NBPF6: variants seen among roughly 807,000 people sequenced by gnomAD.
The protein encoded by NBPF6 is NBPF family member NBPF6.
NBPF6 carries 2 observed loss-of-function variants against 20.8 expected under a neutral mutation model. That is an observed-to-expected ratio of 0.10 (90% confidence interval 0.04 to 0.30). The LOEUF (loss-of-function observed/expected upper bound fraction) is 0.30. Among genes scored for constraint, NBPF6 ranks in the 10% least tolerant of loss-of-function variants. The pLI is 1.00. For missense variants in NBPF6, 85 were observed against 260.3 expected, an observed-to-expected ratio of 0.33 and a Z score of 4.63; for synonymous variants, 24 against 100.0, an observed-to-expected ratio of 0.24 and a Z score of 4.53.
At chr1:108,467,985 G>A (rs937534353) in intron 14 of NBPF6, among the ~76,000 whole-genome samples, 28 of 151,180 alleles carry the variant, frequency 1.9e-4, no homozygotes, top group East Asian at 7.8e-4. Context: ...TTGTTTGCCC[G>A]GAATCACACA....
At chr1:108,425,929 C>T in the NBPF6 span, among the ~76,000 whole-genome samples, 2 of 29,030 alleles carry the variant, frequency 6.9e-5, 1 homozygote, top group Non-Finnish European at 1.9e-4. Context: ...TTGCTATATG[C>T]GTCTTTTTGC....
In NBPF6 at chr1:108,471,268, G is replaced by A. The variant is rs373453562; in HGVS notation, c.*630G>A. On this transcript the variant is annotated 3_prime_UTR_variant, in exon 15 of 15. Coordinates refer to ENST00000495380, the MANE Select transcript of NBPF6 (RefSeq NM_001143988.2). ...TGACATGGACTTGTTTGTGGAGGAC[G>A]GGTCAGCTCTCTGGCTCAATGGTCT... Among the ~76,000 whole-genome samples the A allele has an allele frequency of 6.2e-4, 95 of 152,240 alleles. No individual in the cohort carries two copies. The highest frequency in any genetic ancestry group is 2.0e-3 in the African/African-American group (84 of 41,548).
At chr1:108,448,426 A>G (rs1652695086), upstream of NBPF6, among the ~76,000 whole-genome samples, 1 of 148,822 alleles carries the variant, frequency 6.7e-6, no homozygotes, top group South Asian at 2.1e-4. Flanking sequence ...TTCCAGTGAA[A>G]TTCCAGGTAA....
chr1:108,447,982 A>C (rs1652669169), upstream of NBPF6, among the ~76,000 whole-genome samples: 1 of 146,956 alleles, frequency 6.8e-6, no homozygotes, highest in African/African-American at 2.5e-5. Context: ...CAGGGCATAA[A>C]ACCTAAACCA....
chr1:108,470,958 G>A lies in NBPF6; in HGVS notation c.*320G>A, dbSNP rs563612813. 34 of 257,092 alleles carry A rather than the reference G, an allele frequency of 1.3e-4. No individual in the cohort carries two copies. Among genetic ancestry groups the A allele is most frequent in the Middle Eastern group, 2.4e-3 (2 of 832 alleles). The allele number at this position is 257,092 out of a possible 1,614,324, so 15.9% of individuals were successfully genotyped here. On this transcript the variant is annotated 3_prime_UTR_variant, in exon 15 of 15. Transcript: ENST00000495380. ...GCTGGCAGGAGACAGCATGTCAGCC[G>A]GGACTCTGCCAGGGCAGAGTATGAG...
chr1:108,470,659 C>T lies in NBPF6; in HGVS notation c.*21C>T, dbSNP rs1653414507. On this transcript the variant is annotated 3_prime_UTR_variant, in exon 15 of 15. Coordinates refer to ENST00000495380, the MANE Select transcript of NBPF6 (RefSeq NM_001143988.2). ...GATGAAAGAATGTCACAAAAAGCAGCTTTTCCACTTGATAAAAACAACTAA... is the reference window on the plus strand; with the variant it reads ...GATGAAAGAATGTCACAAAAAGCAGTTTTTCCACTTGATAAAAACAACTAA... 2 of 1,551,932 alleles carry T rather than the reference C, an allele frequency of 1.3e-6. No homozygotes were observed. Among genetic ancestry groups the T allele is most frequent in the Admixed American group, 2.0e-5 (1 of 50,678 alleles).
chr1:108,470,458 C>T, intron 14 of NBPF6, 139 bp from the exon 15 acceptor site: 1 of 769,158 alleles, frequency 1.3e-6, no homozygotes, highest in Non-Finnish European at 2.1e-6. Flanking sequence ...TTCTGACAGC[C>T]CAGGACTCAC....
chr1:108,441,660 C>A, the NBPF6 span, among the ~76,000 whole-genome samples: 1 of 72,954 alleles, frequency 1.4e-5, no homozygotes, highest in Admixed American at 1.4e-4. Flanking sequence ...CATACAACAG[C>A]TCAACAAATC....
At chr1:108,440,266 C>A in the NBPF6 span, among the ~76,000 whole-genome samples, 2 of 17,910 alleles carry the variant, frequency 1.1e-4, no homozygotes, top group African/African-American at 1.5e-4. Flanking sequence ...GCAACAAGAG[C>A]AAAACTCCGC....
chr1:108,467,721 G>A, intron 14 of NBPF6, 56 bp downstream of exon 14: 2 of 1,544,180 alleles, frequency 1.3e-6, no homozygotes, highest in Non-Finnish European at 8.8e-7. Context: ...TGTCTATGGT[G>A]ACAGCTCATT....
At chr1:108,438,533 TGATACCAAA>T in the NBPF6 span, among the ~76,000 whole-genome samples, 53,270 of 111,444 alleles carry the variant, frequency 0.48, 15,677 homozygotes, top group East Asian at 0.59. Flanking sequence ...AGCATTACTC[TGATACCAAA>T]GCCAAAGACA....
In NBPF6 at chr1:108,453,008, GTATA is replaced by G. The variant is rs1179619304; in HGVS notation, c.279-161_279-158del. 6.4e-3 allele frequency among the ~76,000 whole-genome samples: 382 copies of G among 59,894 alleles called. 118 individuals carry two copies. Among genetic ancestry groups the G allele is most frequent in the Non-Finnish European group, 9.8e-3 (254 of 25,998 alleles). The allele number at this position is 59,894 out of a possible 152,430, so 39.3% of individuals were successfully genotyped here. A position where few individuals can be genotyped will look rare whatever the true frequency, so the allele number is the denominator to read the frequency against. ...TGTGTGTGTGTGTGTGTGTGTGTGT[GTATA>G]TATATATATATTCTTCTTTCTCTTG... is the stretch of plus-strand genomic sequence containing the variant. On this transcript the variant is annotated intron_variant, in intron 3 of 14. Transcript: ENST00000495380.
At chr1:108,447,818 C>T (rs1445242634), upstream of NBPF6, among the ~76,000 whole-genome samples, 1 of 143,986 alleles carries the variant, frequency 6.9e-6, no homozygotes, top group Non-Finnish European at 1.5e-5. Flanking sequence ...CAATGAGTGG[C>T]ACTGATGGGG....
the NBPF6 span, among the ~76,000 whole-genome samples, chr1:108,440,548 A>G: frequency 9.8e-4 from 1 of 1,020 alleles, no homozygotes; most frequent in African/African-American, 2.1e-3. Flanking sequence ...AATATCACTA[A>G]TCATCAGGGA....
the NBPF6 span, among the ~76,000 whole-genome samples, chr1:108,436,569 A>G: frequency 9.8e-5 from 6 of 61,346 alleles, no homozygotes; most frequent in African/African-American, 2.6e-4. Context: ...CTCCAGCCTG[A>G]GTGACAGAAT....
the NBPF6 span, among the ~76,000 whole-genome samples, chr1:108,429,496 C>G: frequency 1.9e-5 from 2 of 104,318 alleles, no homozygotes; most frequent in African/African-American, 6.7e-5. Flanking sequence ...ACTGCTTTTG[C>G]TGCACCCCAG....
intron 9 of NBPF6, among the ~76,000 whole-genome samples, chr1:108,459,676 C>T (rs1385218409): frequency 1.4e-4 from 9 of 64,678 alleles, no homozygotes; most frequent in Non-Finnish European, 2.1e-4. Context: ...GACTCAGTCT[C>T]CTTCCTCAGA....
Position 108,453,289 on chromosome 1 carries a change from C to T in NBPF6, c.387C>T (p.Thr129=). 5.4e-6 allele frequency: 1 copy of T among 186,562 alleles called. No individual in the cohort carries two copies. The allele number at this position is 186,562 out of a possible 1,614,324, so 11.6% of individuals were successfully genotyped here. ...GCTGGCTGAACAAGCATCTGAAAAC[C>T]CTCCTCACTCCTGATGACCCTGACA... is the stretch of plus-strand genomic sequence containing the variant. ...ASRWLNKHLK[T]LLTPDDPDKS... Residue 129 remains threonine (T), a synonymous_variant, in exon 4 of 15, where the codon ACC becomes ACT. Transcript: ENST00000495380.
At chr1:108,459,382 G>A (rs1429863166) in intron 9 of NBPF6, among the ~76,000 whole-genome samples, 2 of 143,288 alleles carry the variant, frequency 1.4e-5, no homozygotes, top group Non-Finnish European at 3.1e-5. Flanking sequence ...TTCTTATGGT[G>A]TCAACCAGCC....
Sources: allele counts gnomAD v4.1 joint callset (sites outside exome capture counted in the v4.1 genomes callset), GRCh38; gene constraint gnomAD v4.1.1; transcripts MANE v1.5; gene names NCBI Gene and HGNC (gene_info 2026-07-23, HGNC 2026-07-21).